Variants in DLEU7 observed in about 807,000 individuals in gnomAD.
The protein encoded by DLEU7 is leukemia-associated protein 7.
A neutral mutation model predicts 16.0 loss-of-function variants in DLEU7; 17 were observed. That is an observed-to-expected ratio of 1.06 (90% CI 0.73 to 1.59). DLEU7 has a LOEUF of 1.59. Among genes scored for constraint, DLEU7 ranks in the 40% most tolerant of loss-of-function variants. DLEU7 has a pLI of 0.00. For synonymous variants in DLEU7, 113 were observed against 139.8 expected (o/e 0.81, Z 1.35); for missense variants, 308 against 314.9 (o/e 0.98, Z 0.17).
intron 1 of DLEU7, among the ~76,000 whole-genome samples, chr13:50,747,791 C>T (rs1874444617): frequency 2.0e-5 from 3 of 152,060 alleles, no homozygotes; most frequent in Admixed American, 6.5e-5. Context: ...AGTATGTGGG[C>T]GGGGAGGCTA....
intron 1 of DLEU7, among the ~76,000 whole-genome samples, chr13:50,789,461 G>C (rs1875887147): frequency 6.7e-6 from 1 of 148,370 alleles, no homozygotes; most frequent in Admixed American, 6.8e-5. Flanking sequence ...CAAGATTCTT[G>C]AGAGCAGGAA....
rs1877404219 is a variant in DLEU7, at chr13:50,834,962, A to G, written c.459+8226T>C. Among the ~76,000 whole-genome samples the G allele has an allele frequency of 1.3e-4, 18 of 137,946 alleles. No homozygotes were observed. The Admixed American group carries it at 1.5e-3, about 12-fold the overall frequency. 90.5% of individuals were successfully genotyped at this position (137,946 alleles called of 152,430 possible). On this transcript the variant is annotated intron_variant, in intron 1 of 1. Transcript: ENST00000504404. ...ACAGGAACAGAAAACCAAACACTGC[A>G]TGTTCTCACTCATAAGTGGGAGTTG...
chr13:50,762,115 C>T (rs1374102024), intron 1 of DLEU7, among the ~76,000 whole-genome samples: 1 of 144,262 alleles, frequency 6.9e-6, no homozygotes, highest in African/African-American at 2.6e-5. Context: ...TGCTTGAGCC[C>T]GGGAGGCGGA....
intron 1 of DLEU7, among the ~76,000 whole-genome samples, chr13:50,772,616 A>G (rs61964476): frequency 1.3e-5 from 2 of 152,098 alleles, no homozygotes; most frequent in Non-Finnish European, 2.9e-5. Flanking sequence ...TGGCTTGTAG[A>G]GTTTCTGCTG....
At chr13:50,800,016 A>G (rs1428400151) in intron 1 of DLEU7, among the ~76,000 whole-genome samples, 1 of 152,190 alleles carries the variant, frequency 6.6e-6, no homozygotes, top group Non-Finnish European at 1.5e-5. Context: ...CCTGTGAAGA[A>G]AGATTGGCAA....
chr13:50,793,694 G>T (rs1005403826), intron 1 of DLEU7, among the ~76,000 whole-genome samples: 5 of 152,114 alleles, frequency 3.3e-5, no homozygotes, highest in Non-Finnish European at 5.9e-5. Flanking sequence ...TTTTTAATGG[G>T]ATTGTTTGTT....
At chr13:50,805,627 T>G (rs140430622) in intron 1 of DLEU7, among the ~76,000 whole-genome samples, 18 of 152,330 alleles carry the variant, frequency 1.2e-4, no homozygotes, top group Non-Finnish European at 2.1e-4. Flanking sequence ...TTTTTCTAAT[T>G]CCGTCTTCCA....
intron 1 of DLEU7, among the ~76,000 whole-genome samples, chr13:50,803,281 A>C (rs983836057): frequency 2.0e-5 from 3 of 152,182 alleles, no homozygotes; most frequent in African/African-American, 7.2e-5. Context: ...ATGTTATAGA[A>C]TGTGTTGATC....
At position 50,774,403 on chromosome 13, in the gene DLEU7, G is replaced by A. The variant is rs550934311; in HGVS notation, c.460-61163C>T. ...TGTTCTTACTTGGCCATCTTGGAAT[G>A]GATCCTCCATTCATGATTTTAAAGA... is the stretch of plus-strand genomic sequence containing the variant. On this transcript the variant is annotated intron_variant, in intron 1 of 1. Transcript: ENST00000400393. Among the ~76,000 whole-genome samples the A allele has an allele frequency of 1.3e-4, 20 of 152,174 alleles. No individual in the cohort carries two copies. The East Asian group carries it at 3.7e-3, about 28-fold the overall frequency.
At chr13:50,806,732 CT>C (rs560622232) in intron 1 of DLEU7, among the ~76,000 whole-genome samples, 1 of 152,002 alleles carries the variant, frequency 6.6e-6, no homozygotes, top group Non-Finnish European at 1.5e-5. Flanking sequence ...ATTATTTGAT[CT>C]TTAATTATGT....
intron 1 of DLEU7, among the ~76,000 whole-genome samples, chr13:50,786,199 A>C (rs945695639): frequency 2.6e-5 from 4 of 152,172 alleles, no homozygotes; most frequent in African/African-American, 9.7e-5. Context: ...ATCATCAAAG[A>C]GCCTGATTTT....
chr13:50,760,975 T>C (rs866408412), intron 1 of DLEU7, among the ~76,000 whole-genome samples: 41 of 152,218 alleles, frequency 2.7e-4, no homozygotes, highest in Admixed American at 1.2e-3. Context: ...GAACAGCATG[T>C]CTCCTCCATC....
intron 1 of DLEU7, among the ~76,000 whole-genome samples, chr13:50,753,647 G>A (rs1422897711): frequency 6.6e-6 from 1 of 152,112 alleles, no homozygotes; most frequent in African/African-American, 2.4e-5. Context: ...GCACTGGCCC[G>A]CAAGCACCGT....
intron 1 of DLEU7, among the ~76,000 whole-genome samples, chr13:50,817,735 A>C (rs1003452373): frequency 6.6e-6 from 1 of 152,064 alleles, no homozygotes; most frequent in Non-Finnish European, 1.5e-5. Context: ...ATGGCTTCCT[A>C]CCCTCCAAAG....
intron 1 of DLEU7, among the ~76,000 whole-genome samples, chr13:50,748,849 G>A (rs892620343): frequency 2.0e-5 from 3 of 152,130 alleles, no homozygotes; most frequent in African/African-American, 7.2e-5. Flanking sequence ...TCATGAGGCT[G>A]AAGCAGTCTC....
In DLEU7 at chr13:50,823,113, A is replaced by T; in HGVS notation, c.*201T>A. 7.3e-7 allele frequency: 1 copy of T among 1,377,612 alleles called. No individual in the cohort carries two copies. The highest frequency in any genetic ancestry group is 9.4e-7 in the Non-Finnish European group (1 of 1,066,272). The allele number at this position is 1,377,612 out of a possible 1,614,324, so 85.3% of individuals were successfully genotyped here. A position where few individuals can be genotyped will look rare whatever the true frequency, so the allele number is the denominator to read the frequency against. ...TAGGTCAATATACTTAAAAATATGA[A>T]CTACTGCTTTAAAAAAATTTCATTA... is the stretch of plus-strand genomic sequence containing the variant. On this transcript the variant is annotated 3_prime_UTR_variant, in exon 2 of 2. Transcript: ENST00000504404.
At chr13:50,816,679 G>A (rs566846636) in intron 1 of DLEU7, among the ~76,000 whole-genome samples, 14 of 151,928 alleles carry the variant, frequency 9.2e-5, no homozygotes, top group African/African-American at 2.7e-4. Flanking sequence ...CTTCCCAGAC[G>A]TTATGAAAAG....
chr13:50,758,968 C>A (rs1874846306), intron 1 of DLEU7, among the ~76,000 whole-genome samples: 1 of 152,168 alleles, frequency 6.6e-6, no homozygotes, highest in Admixed American at 6.5e-5. Context: ...CTTACCACAG[C>A]CCCCATTTCC....
chr13:50,792,312 A>C (rs1443038642), intron 1 of DLEU7, among the ~76,000 whole-genome samples: 1 of 152,216 alleles, frequency 6.6e-6, no homozygotes, highest in African/African-American at 2.4e-5. Flanking sequence ...TTTGTCCAAC[A>C]TTCCATCCTG....
Sources: gnomAD v4.1 joint callset for allele counts (sites outside exome capture counted in the v4.1 genomes callset) on GRCh38, gnomAD v4.1.1 for gene constraint, MANE v1.5 for transcripts, NCBI Gene and HGNC (gene_info 2026-07-23, HGNC 2026-07-21) for gene names.